The following RTCB variants were observed in gnomAD, a reference collection of about 807,000 sequenced individuals.
The protein encoded by RTCB is RNA 2',3'-cyclic phosphate and 5'-OH ligase, also known as RNA-splicing ligase RTCB.
A neutral mutation model predicts 58.2 loss-of-function variants in RTCB; 32 were observed. That is an observed-to-expected ratio of 0.55 (90% CI 0.41 to 0.74). The LOEUF (loss-of-function observed/expected upper bound fraction) is 0.74. RTCB is among the 30% of genes least tolerant of loss of function. RTCB has a pLI of 0.00. For synonymous variants in RTCB, 247 were observed against 218.6 expected, an observed-to-expected ratio of 1.13 and a Z score of -1.15; for missense variants, 523 against 639.0, an observed-to-expected ratio of 0.82 and a Z score of 1.96.
At chr22:32,390,204 T>C (rs865797299) in intron 11 of RTCB, among the ~76,000 whole-genome samples, 5 of 152,248 alleles carry the variant, frequency 3.3e-5, no homozygotes, top group Non-Finnish European at 7.3e-5. Context: ...TTTTATTATT[T>C]GGAAAGCTCC....
At chr22:32,403,479 CA>C (rs1459113796) in intron 4 of RTCB, among the ~76,000 whole-genome samples, 4 of 151,712 alleles carry the variant, frequency 2.6e-5, no homozygotes, top group African/African-American at 9.7e-5. Flanking sequence ...AAGTAATTAT[CA>C]CAATCAAGCT....
intron 11 of RTCB, among the ~76,000 whole-genome samples, chr22:32,389,346 G>C (rs1451532808): frequency 6.6e-6 from 1 of 152,082 alleles, no homozygotes; most frequent in East Asian, 1.9e-4. Flanking sequence ...TCATAAACAT[G>C]CTAACTTTAT....
At position 32,393,916 on chromosome 22, in the gene RTCB, G is replaced by A. The variant is rs767369440; in HGVS notation, c.1266C>T (p.Thr422=). The A allele has an allele frequency of 6.2e-7, 1 of 1,613,698 alleles. No individual in the cohort carries two copies. The highest frequency in any genetic ancestry group is 2.2e-5 in the East Asian group (1 of 44,874). ...LTGTEQGMTE[T]FGTTCHGAGR... is the part of the protein sequence containing the mutation. ...CCGCTCCATGACAGGTTGTTCCAAA[G>A]GTCTCAGTCATGCCCTGTTCAGTGC... The change falls in exon 10 of 12, where the codon ACC becomes ACT. Residue 422 remains threonine, a synonymous_variant. Coordinates refer to ENST00000216038, the MANE Select transcript of RTCB (RefSeq NM_014306.5).
intron 4 of RTCB, among the ~76,000 whole-genome samples, chr22:32,405,769 C>T (rs1933408314): frequency 6.6e-6 from 1 of 152,170 alleles, no homozygotes; most frequent in South Asian, 2.1e-4. Context: ...ACAACCTAGT[C>T]CACCACTGCT....
intron 11 of RTCB, among the ~76,000 whole-genome samples, chr22:32,390,349 AC>A (rs1933132938): frequency 6.6e-6 from 1 of 152,204 alleles, no homozygotes; most frequent in Admixed American, 6.5e-5. Context: ...AGGTGAAAAA[AC>A]AAAACAAAAC....
At position 32,395,183 on chromosome 22, in the gene RTCB, T is replaced by G. The variant is rs965228496; in HGVS notation, c.1022A>C (p.Asp341Ala). The part of the protein sequence containing the change: ...AFAKVFNTTP[D>A]DLDLHVIYDV... ...ATAGATCACATGTAGGTCCAAGTCATCAGGGGTTGTGTTGAAGACCTTGGC... is the reference window on the plus strand; with the variant it reads ...ATAGATCACATGTAGGTCCAAGTCAGCAGGGGTTGTGTTGAAGACCTTGGC... The change falls in exon 9 of 12, where the codon GAT becomes GCT. Residue 341 changes from aspartate to alanine, a missense_variant. Around this residue, in one of 3 missense-constraint regions of RTCB, gnomAD observed 248 missense variants for 292.5 expected, o/e 0.85. Transcript: ENST00000216038. 7 of 1,614,202 alleles carry G rather than the reference T, an allele frequency of 4.3e-6. No homozygotes were observed. The highest frequency in any genetic ancestry group is 5.9e-6 in the Non-Finnish European group (7 of 1,180,042).
chr22:32,404,242 T>A (rs936016449), intron 4 of RTCB, among the ~76,000 whole-genome samples: 20 of 152,244 alleles, frequency 1.3e-4, no homozygotes, highest in Admixed American at 1.1e-3. Context: ...CCATACTGTT[T>A]ACCATAATGG....
chr22:32,396,222 A>G lies in RTCB; in HGVS notation c.842T>C (p.Met281Thr), dbSNP rs1933243886. ...ATTGACTATAATCTTGTCTCTCTTC[A>G]TGGCCTTCTCCATAGCTACCAGCGC... is the stretch of plus-strand genomic sequence containing the variant. ...TDALVAMEKA[M>T]KRDKIIVNDR... Residue 281 changes from methionine to threonine, a missense_variant, in exon 8 of 12, where the codon ATG becomes ACG. Transcript: ENST00000216038. 7 of 1,614,168 alleles carry G rather than the reference A, an allele frequency of 4.3e-6. No individual in the cohort carries two copies. The highest frequency in any genetic ancestry group is 2.2e-5 in the East Asian group (1 of 44,880).
intron 9 of RTCB, 48 bp from the exon 10 acceptor site, chr22:32,394,050 G>A (rs774793726): frequency 1.6e-6 from 2 of 1,258,278 alleles, no homozygotes; most frequent in Non-Finnish European, 2.3e-6. Context: ...AAAAACATAG[G>A]CTTTTTATGC....
In RTCB at chr22:32,393,884, T is replaced by C. The variant is rs1333581648; in HGVS notation, c.1290+8A>G. The C allele has an allele frequency of 1.9e-6, 3 of 1,597,542 alleles. No individual in the cohort carries two copies. Among genetic ancestry groups the C allele is most frequent in the Non-Finnish European group, 1.7e-6 (2 of 1,164,930 alleles). ...GAGCATTTCTAAGGAAGTTTCTGTT[T>C]TCCTTACCGCTCCATGACAGGTTGT... On this transcript the variant is annotated splice_region_variant and intron_variant, in intron 10 of 11. Transcript: ENST00000216038.
At chr22:32,396,402 A>G (rs1177424415) in intron 7 of RTCB, among the ~76,000 whole-genome samples, 153 bp from the exon 8 acceptor site, 4 of 152,328 alleles carry the variant, frequency 2.6e-5, no homozygotes, top group South Asian at 4.1e-4. Context: ...GAGTTCATCT[A>G]TTTGCTCAGT....
intron 10 of RTCB, among the ~76,000 whole-genome samples, chr22:32,393,690 G>C (rs948032308): frequency 6.6e-6 from 1 of 152,150 alleles, no homozygotes; most frequent in African/African-American, 2.4e-5. Context: ...AACCCTACCA[G>C]ATCTCACTGA....
In RTCB at chr22:32,395,018, C is replaced by T. The variant is rs1246556032; in HGVS notation, c.1179+8G>A. The T allele has an allele frequency of 6.2e-6, 10 of 1,609,530 alleles. No individual in the cohort carries two copies. Among genetic ancestry groups the T allele is most frequent in the Non-Finnish European group, 3.4e-6 (4 of 1,176,444 alleles). Reference sequence around the variant, plus strand: ...ACTGCTTAAAACTACAAACGTAGAGCTACGTACTTGGTAATCAACAGCAAT... The same window carrying T: ...ACTGCTTAAAACTACAAACGTAGAGTTACGTACTTGGTAATCAACAGCAAT... On this transcript the variant is annotated splice_region_variant and intron_variant, in intron 9 of 11. Transcript: ENST00000216038.
intron 6 of RTCB, 142 bp downstream of exon 6, chr22:32,399,461 G>A (rs1373111588): frequency 6.2e-6 from 5 of 806,264 alleles, no homozygotes; most frequent in South Asian, 2.0e-5. Context: ...TAAAAATGAA[G>A]CATAAACAAA....
intron 9 of RTCB, 87 bp downstream of exon 9, chr22:32,394,939 C>G (rs1933219276): frequency 8.5e-7 from 1 of 1,182,216 alleles, no homozygotes; most frequent in South Asian, 1.5e-5. Flanking sequence ...TTCACAATTG[C>G]TGCTTTTCGT....
chr22:32,406,563 C>T lies in RTCB; in HGVS notation c.340+99G>A, dbSNP rs142665834. On this transcript the variant is annotated intron_variant, in intron 4 of 11. Coordinates refer to ENST00000216038, the MANE Select transcript of RTCB (RefSeq NM_014306.5). ...GTTTTGATCTCTTGACCTCATGATC[C>T]ACCCGCCTCGGCCTCCCAAAGTGCT... 15 of 711,646 alleles carry T rather than the reference C, an allele frequency of 2.1e-5. No homozygotes were observed. The African/African-American group carries it at 2.3e-4, about 11-fold the overall frequency. The allele number at this position is 711,646 out of a possible 1,614,324, so 44.1% of individuals were successfully genotyped here.
chr22:32,397,880 T>A (rs1933272023), intron 7 of RTCB, 61 bp downstream of exon 7: 1 of 1,521,778 alleles, frequency 6.6e-7, no homozygotes, highest in Non-Finnish European at 8.9e-7. Flanking sequence ...GAGTTTTCGC[T>A]CTTAAATTTC....
chr22:32,409,052 T>G (rs1933476767), intron 1 of RTCB, among the ~76,000 whole-genome samples: 2 of 152,246 alleles, frequency 1.3e-5, no homozygotes, highest in South Asian at 4.1e-4. Flanking sequence ...CAAATTGTTT[T>G]GTTTATTCTC....
chr22:32,397,285 G>C (rs773206802), intron 7 of RTCB, among the ~76,000 whole-genome samples: 4 of 152,148 alleles, frequency 2.6e-5, no homozygotes, highest in Non-Finnish European at 4.4e-5. Context: ...ATATTTCGCT[G>C]CTTCCTGCTT....
Sources: gnomAD v4.1 joint callset for allele counts (sites outside exome capture counted in the v4.1 genomes callset) on GRCh38, gnomAD v4.1.1 for gene constraint, gnomAD v4.1.1 regional missense constraint, MANE v1.5 for transcripts, NCBI Gene and HGNC (gene_info 2026-07-23, HGNC 2026-07-21) for gene names.